TECTA: variants seen among roughly 807,000 people sequenced by gnomAD.
The protein encoded by TECTA is alpha-tectorin.
Under a neutral mutation model 216.8 loss-of-function variants are expected in TECTA, and 128 were observed. The observed-to-expected ratio is 0.59, with a 90% CI of 0.51 to 0.68. The LOEUF is 0.68. TECTA is among the 30% of genes least tolerant of loss of function. The pLI is 0.00. For missense variants in TECTA, 2,551 were observed against 2,786.2 expected, an observed-to-expected ratio of 0.92 and a Z score of 1.90; for synonymous variants, 1,089 against 1,117.1, an observed-to-expected ratio of 0.97 and a Z score of 0.50.
intron 10 of TECTA, among the ~76,000 whole-genome samples, chr11:121,135,547 G>A (rs1354180397): frequency 3.9e-5 from 6 of 152,344 alleles, no homozygotes; most frequent in South Asian, 4.1e-4. Flanking sequence ...CTCCAAAGCC[G>A]TGTGGTATTG....
At chr11:121,139,520 G>A (rs554089885) in intron 11 of TECTA, among the ~76,000 whole-genome samples, 137 of 152,194 alleles carry the variant, frequency 9.0e-4, no homozygotes, top group Non-Finnish European at 1.3e-3. Context: ...GTGAAAGCCC[G>A]TCTCTATTAA....
intron 18 of TECTA, 134 bp downstream of exon 18, chr11:121,166,914 T>G (rs1327662306): frequency 2.1e-6 from 2 of 965,748 alleles, no homozygotes; most frequent in Non-Finnish European, 3.2e-6. Flanking sequence ...GCAATAGGCA[T>G]GTGCAACATG....
At chr11:121,157,457 G>C (rs969165532) in intron 13 of TECTA, among the ~76,000 whole-genome samples, 2 of 152,118 alleles carry the variant, frequency 1.3e-5, no homozygotes, top group African/African-American at 4.8e-5. Context: ...GCTGGGTGTG[G>C]TGGCGTGTGC....
chr11:121,159,374 T>A (rs1425799392), intron 14 of TECTA, among the ~76,000 whole-genome samples: 1 of 152,190 alleles, frequency 6.6e-6, no homozygotes, highest in Non-Finnish European at 1.5e-5. Context: ...GACATTGTGG[T>A]TGAACAAAAT....
At position 121,109,291 on chromosome 11, in the gene TECTA, A is replaced by G. The variant is rs2135054887; in HGVS notation, c.279A>G (p.Arg93=). The G allele has an allele frequency of 1.2e-6, 2 of 1,614,088 alleles. No homozygotes were observed. The highest frequency in any genetic ancestry group is 1.6e-4 in the Middle Eastern group (1 of 6,062). Residue 93 remains arginine, a synonymous_variant, in exon 4 of 24, where the codon AGA becomes AGG. Coordinates refer to ENST00000392793, the MANE Select transcript of TECTA (RefSeq NM_005422.4). ...TPESFPLTDG[R]AFVAPFWADV... ...AATCCTTTCCCCTGACAGATGGGAG[A>G]GCCTTCGTCGCCCCATTTTGGGCAG...
chr11:121,145,454 C>G, intron 11 of TECTA, 101 bp from the exon 12 acceptor site: 1 of 1,289,376 alleles, frequency 7.8e-7, no homozygotes, highest in Non-Finnish European at 1.1e-6. Flanking sequence ...CCTGCTCAAA[C>G]TTCCCTCTGG....
At chr11:121,172,404 G>C (rs1482977002) in intron 20 of TECTA, among the ~76,000 whole-genome samples, 1 of 151,384 alleles carries the variant, frequency 6.6e-6, no homozygotes, top group Non-Finnish European at 1.5e-5. Context: ...TGTTCTCATT[G>C]TCCAGTTCCC....
chr11:121,126,579 C>A (rs982858291), intron 8 of TECTA, among the ~76,000 whole-genome samples: 4 of 152,138 alleles, frequency 2.6e-5, no homozygotes, highest in African/African-American at 9.7e-5. Flanking sequence ...CGTTTCCTTC[C>A]TAGTCCTTGG....
chr11:121,190,105 A>G, intron 23 of TECTA: 1 of 543,502 alleles, frequency 1.8e-6, no homozygotes. Context: ...TCTAAAATAT[A>G]AAGGTAATTT....
In TECTA at chr11:121,105,842, G is replaced by T; in HGVS notation, c.76G>T (p.Glu26Ter). The stretch of plus-strand genomic sequence containing the variant: ...ATCTCTCTTGACAGCTCAGCCCAGG[G>T]AGCTCATGTATCCATTTTGGCAGAA... ...ALVQHQAQPR[E>*]LMYPFWQNDT... Residue 26 changes from glutamate (E) to a stop codon, truncating the protein, a stop_gained, in exon 3 of 24, where the codon GAG (glutamate) becomes TAG (stop). Coordinates refer to ENST00000392793, the MANE Select transcript of TECTA (RefSeq NM_005422.4). LOFTEE classifies it high-confidence loss of function. The surrounding 1 kb of genome is among the most constrained non-coding windows in gnomAD (Gnocchi z 5.3). The T allele has an allele frequency of 6.2e-7, 1 of 1,614,160 alleles. No homozygotes were observed. Among genetic ancestry groups the T allele is most frequent in the Non-Finnish European group, 8.5e-7 (1 of 1,180,026 alleles).
At chr11:121,187,392 C>T (rs12574902) in intron 20 of TECTA, among the ~76,000 whole-genome samples, 2,938 of 152,276 alleles carry the variant, frequency 0.019, 80 homozygotes, top group African/African-American at 0.065. Flanking sequence ...CCTATTTTGA[C>T]GCATGGGAAG....
Position 121,162,377 on chromosome 11 carries a change from G to T in TECTA, c.5272+7G>T, listed in dbSNP as rs765901014. ...ATTGAGAAGGAGAATTGCTGTAAGA[G>T]AATTATTTTATTTCTGTGAATTCCA... On this transcript the variant is annotated splice_region_variant and intron_variant, in intron 16 of 23. Transcript: ENST00000392793. 2 of 1,611,714 alleles carry T rather than the reference G, an allele frequency of 1.2e-6. No homozygotes were observed. The highest frequency in any genetic ancestry group is 1.7e-5 in the Admixed American group (1 of 60,004).
In TECTA at chr11:121,105,686, G is replaced by A; in HGVS notation, c.65-145G>A. ...AGATACTGCGCTGTGTATGGCCTAG[G>A]TTTAGGATGAATGACAGGGCAGTAT... On this transcript the variant is annotated intron_variant, in intron 2 of 23. Coordinates refer to ENST00000392793, the MANE Select transcript of TECTA (RefSeq NM_005422.4). This position sits in a 1 kb window ranked among gnomAD's most constrained non-coding sequence, Gnocchi z 5.3. The A allele has an allele frequency of 9.5e-7, 1 of 1,050,188 alleles. No individual in the cohort carries two copies. The allele number at this position is 1,050,188 out of a possible 1,614,324, so 65.1% of individuals were successfully genotyped here.
In TECTA at chr11:121,113,538, C is replaced by T. The variant is rs568258084; in HGVS notation, c.625-15C>T. The stretch of plus-strand genomic sequence containing the variant: ...TTTTTGTACTCAAAAATCTTGTCTT[C>T]CTTTTGTGCTGCAGGCAGGATTTAA... On this transcript the variant is annotated splice_polypyrimidine_tract_variant and intron_variant, in intron 5 of 23. Coordinates refer to ENST00000392793, the MANE Select transcript of TECTA (RefSeq NM_005422.4). The surrounding 1 kb of genome is among the most constrained non-coding windows in gnomAD (Gnocchi z 4.2). 1 of 1,613,976 alleles carries T rather than the reference C, an allele frequency of 6.2e-7. No individual in the cohort carries two copies. Among genetic ancestry groups the T allele is most frequent in the African/African-American group, 1.3e-5 (1 of 75,008 alleles).
At chr11:121,114,930 A>C (rs1442421194) in intron 6 of TECTA, among the ~76,000 whole-genome samples, 30 of 17,570 alleles carry the variant, frequency 1.7e-3, no homozygotes, top group Admixed American at 2.8e-3. Flanking sequence ...CCCATTCACC[A>C]ACCTATCCAT....
chr11:121,137,273 C>A (rs1037297809), intron 10 of TECTA, 148 bp from the exon 11 acceptor site: 3 of 1,056,342 alleles, frequency 2.8e-6, no homozygotes, highest in African/African-American at 1.6e-5. Flanking sequence ...CATGCATGCA[C>A]AAATGCATGC....
At chr11:121,183,664 T>C (rs776703580) in intron 20 of TECTA, among the ~76,000 whole-genome samples, 1 of 152,160 alleles carries the variant, frequency 6.6e-6, no homozygotes, top group Non-Finnish European at 1.5e-5. Flanking sequence ...GAGGCAGAGG[T>C]TGCAGTGAGC....
chr11:121,141,633 A>G (rs1180063971), intron 11 of TECTA, among the ~76,000 whole-genome samples: 2 of 152,204 alleles, frequency 1.3e-5, no homozygotes, highest in Admixed American at 6.5e-5. Flanking sequence ...ATCGCAGCCA[A>G]GTCTGACATG....
rs774914024 is a variant in TECTA, at chr11:121,105,812, C to T, written c.65-19C>T. On this transcript the variant is annotated intron_variant, in intron 2 of 23. Coordinates refer to ENST00000392793, the MANE Select transcript of TECTA (RefSeq NM_005422.4). This position sits in a 1 kb window ranked among gnomAD's most constrained non-coding sequence, Gnocchi z 5.3. ...GCAGAGGGAGCTGCCATCTATCTAA[C>T]CATCATCTCTCTTGACAGCTCAGCC... The T allele has an allele frequency of 7.1e-5, 114 of 1,613,964 alleles. No individual in the cohort carries two copies. The highest frequency in any genetic ancestry group is 9.2e-5 in the Non-Finnish European group (109 of 1,180,004).
Sources: gnomAD v4.1 joint callset for allele counts (sites outside exome capture counted in the v4.1 genomes callset) on GRCh38, gnomAD v4.1.1 for gene constraint, Gnocchi (gnomAD v3.1) non-coding constraint, MANE v1.5 for transcripts, NCBI Gene and HGNC (gene_info 2026-07-23, HGNC 2026-07-21) for gene names.